The following SLC22A15 variants were observed in gnomAD, a reference collection of about 807,000 sequenced individuals.
SLC22A15 encodes flipt 1.
A neutral mutation model predicts 62.7 loss-of-function variants in SLC22A15; 45 were observed. The observed-to-expected ratio is 0.72, with a 90% CI of 0.56 to 0.92. The LOEUF (loss-of-function observed/expected upper bound fraction) is 0.92, where lower values mean the gene tolerates loss of function less well. SLC22A15 is among the 40% of genes least tolerant of loss of function. The pLI is 0.00. For synonymous variants in SLC22A15, 264 were observed against 267.0 expected, an observed-to-expected ratio of 0.99 and a Z score of 0.11; for missense variants, 622 against 665.6, an observed-to-expected ratio of 0.93 and a Z score of 0.72.
intron 2 of SLC22A15, among the ~76,000 whole-genome samples, chr1:116,007,928 T>C (rs563745102): frequency 9.2e-5 from 14 of 152,290 alleles, no homozygotes; most frequent in Non-Finnish European, 1.5e-4. Context: ...CTGTTGTCAT[T>C]GCAGAGGAGT....
chr1:116,019,761 C>T (rs1395480776), intron 3 of SLC22A15, 47 bp downstream of exon 3: 5 of 1,566,532 alleles, frequency 3.2e-6, no homozygotes, highest in South Asian at 1.2e-5. Context: ...GCTTATTTCT[C>T]TAAGATTCTT....
At chr1:116,029,642 T>C (rs1343057323) in intron 5 of SLC22A15, among the ~76,000 whole-genome samples, 1 of 152,214 alleles carries the variant, frequency 6.6e-6, no homozygotes, top group African/African-American at 2.4e-5. Context: ...CTTTGCCAGG[T>C]AGAAATAGTT....
intron 1 of SLC22A15, among the ~76,000 whole-genome samples, chr1:115,978,359 T>G (rs923279296): frequency 6.6e-6 from 1 of 152,212 alleles, no homozygotes; most frequent in African/African-American, 2.4e-5. Flanking sequence ...TACTTTTATT[T>G]ATGGTTGACC....
At chr1:115,993,560 A>G (rs1655263878) in intron 2 of SLC22A15, among the ~76,000 whole-genome samples, 3 of 152,044 alleles carry the variant, frequency 2.0e-5, no homozygotes, top group Admixed American at 6.5e-5. Context: ...GGCATACTAA[A>G]AAAAGGGGAG....
chr1:115,989,488 TATG>T (rs1655043340), intron 1 of SLC22A15, among the ~76,000 whole-genome samples: 1 of 152,098 alleles, frequency 6.6e-6, no homozygotes, highest in Admixed American at 6.6e-5. Context: ...CAGATAAAAA[TATG>T]ATATGTTGGC....
In SLC22A15 at chr1:115,992,155, C is replaced by T; in HGVS notation, c.212C>T (p.Ala71Val). The change falls in exon 2 of 12, where the codon GCC (alanine) becomes GTC (valine). Residue 71 changes from alanine (A) to valine (V), a missense_variant. By Grantham distance (64) the Ala-to-Val change is moderately conservative. Transcript: ENST00000369503. Reference protein sequence around the residue: ...HGNQSAGEDQAFGDWLLTANG... With the variant: ...HGNQSAGEDQVFGDWLLTANG... ...AACCAGTCAGCTGGTGAAGACCAGG[C>T]CTTTGGGGACTGGCTCCTGACAGCC... 6.2e-7 allele frequency: 1 copy of T among 1,613,124 alleles called. No individual in the cohort carries two copies. The highest frequency in any genetic ancestry group is 8.5e-7 in the Non-Finnish European group (1 of 1,179,544).
chr1:116,028,222 T>A (rs1657198849), intron 5 of SLC22A15, among the ~76,000 whole-genome samples: 2 of 152,152 alleles, frequency 1.3e-5, no homozygotes, highest in Admixed American at 1.3e-4. Flanking sequence ...GTGGCCTATA[T>A]TTTAAAAATA....
intron 2 of SLC22A15, chr1:116,017,527 G>GT (rs1283788193): frequency 1.3e-5 from 2 of 152,214 alleles, no homozygotes; most frequent in Non-Finnish European, 2.9e-5. Flanking sequence ...ATTCTCATCT[G>GT]TTTTTCCCAA....
rs965322161 is a variant in SLC22A15 at position 115,996,584 on chromosome 1, CT to C, written c.300+4353del. On this transcript the variant is annotated intron_variant, in intron 2 of 11. Transcript: ENST00000369503. ...GATTCACATCTAAATATTTCTTTTT[CT>C]TTTTTTTTTTTGAGGGATTATAAAT... 2.9e-3 allele frequency among the ~76,000 whole-genome samples: 399 copies of C among 136,298 alleles called. 3 individuals carry two copies. The highest frequency in any genetic ancestry group is 0.01 in the East Asian group (48 of 4,672). The allele number at this position is 136,298 out of a possible 152,430, so 89.4% of individuals were successfully genotyped here. A position where few individuals can be genotyped will look rare whatever the true frequency, so the allele number is the denominator to read the frequency against.
At chr1:115,990,117 A>G (rs1341008076) in intron 1 of SLC22A15, among the ~76,000 whole-genome samples, 1 of 152,230 alleles carries the variant, frequency 6.6e-6, no homozygotes, top group Non-Finnish European at 1.5e-5. Context: ...GGACTTCTGG[A>G]GGGCTTGGAG....
At chr1:116,053,583 A>G (rs1168031643) in intron 8 of SLC22A15, among the ~76,000 whole-genome samples, 1 of 152,136 alleles carries the variant, frequency 6.6e-6, no homozygotes, top group Admixed American at 6.5e-5. Context: ...GAGAAGAGCA[A>G]CTCCAAGACA....
chr1:116,018,257 A>G (rs964101056), intron 2 of SLC22A15, among the ~76,000 whole-genome samples: 3 of 152,200 alleles, frequency 2.0e-5, no homozygotes, highest in African/African-American at 7.2e-5. Flanking sequence ...TATAAATAGA[A>G]TCATGCTATA....
intron 2 of SLC22A15, among the ~76,000 whole-genome samples, chr1:116,009,737 G>A (rs1656157423): frequency 6.6e-6 from 1 of 152,122 alleles, no homozygotes; most frequent in Admixed American, 6.5e-5. Flanking sequence ...ACCTAAACAT[G>A]TCACTAAGTT....
intron 2 of SLC22A15, among the ~76,000 whole-genome samples, chr1:115,993,098 G>A (rs1439916670): frequency 6.6e-6 from 1 of 152,178 alleles, no homozygotes; most frequent in African/African-American, 2.4e-5. Flanking sequence ...AAGAATCTGA[G>A]GGTAGATGGT....
intron 4 of SLC22A15, among the ~76,000 whole-genome samples, chr1:116,024,615 A>G (rs1267623547): frequency 6.6e-6 from 1 of 152,072 alleles, no homozygotes; most frequent in African/African-American, 2.4e-5. Context: ...TGTCATTCTA[A>G]TGAGCTCATA....
At chr1:115,990,331 C>A (rs532369560) in intron 1 of SLC22A15, among the ~76,000 whole-genome samples, 2 of 152,184 alleles carry the variant, frequency 1.3e-5, no homozygotes, top group Non-Finnish European at 2.9e-5. Flanking sequence ...TTCACTAGAA[C>A]GTGTGTTTCG....
chr1:116,026,926 T>G lies in SLC22A15; in HGVS notation c.632T>G (p.Ile211Ser). The part of the protein sequence containing the change: ...SIGGLFFAVG[I>S]AQYALLGYFI... ...GGCGGCCTGTTCTTTGCAGTTGGCA[T>G]TGCCCAATATGCCCTGTTAGGATAC... is the stretch of plus-strand genomic sequence containing the variant. Residue 211 changes from isoleucine to serine, a missense_variant, in exon 5 of 12, where the codon ATT becomes AGT. Physicochemically the swap from Ile to Ser is moderately radical, Grantham distance 142. Coordinates refer to ENST00000369503, the MANE Select transcript of SLC22A15 (RefSeq NM_018420.3). 6.2e-7 allele frequency: 1 copy of G among 1,613,804 alleles called. No homozygotes were observed. The highest frequency in any genetic ancestry group is 8.5e-7 in the Non-Finnish European group (1 of 1,179,866).
chr1:116,057,822 C>G (rs902806796), intron 8 of SLC22A15, among the ~76,000 whole-genome samples: 3 of 151,994 alleles, frequency 2.0e-5, no homozygotes, highest in Non-Finnish European at 4.4e-5. Flanking sequence ...AAACCAAACA[C>G]CACATGTCCT....
chr1:115,977,320 G>T (rs1363970221), intron 1 of SLC22A15, among the ~76,000 whole-genome samples: 1 of 152,196 alleles, frequency 6.6e-6, no homozygotes, highest in African/African-American at 2.4e-5. Flanking sequence ...TGAGACTCCC[G>T]TGAGCCGAAT....
Sources: gnomAD v4.1 joint callset for allele counts (sites outside exome capture counted in the v4.1 genomes callset) on GRCh38, gnomAD v4.1.1 for gene constraint, MANE v1.5 for transcripts, NCBI Gene and HGNC (gene_info 2026-07-23, HGNC 2026-07-21) for gene names.